PCDHA6: variants seen among roughly 807,000 people sequenced by gnomAD.
PCDHA6 encodes protocadherin alpha-6.
PCDHA6 carries 55 observed loss-of-function variants against 60.3 expected under a neutral mutation model. That is an observed-to-expected ratio of 0.91 (90% CI 0.73 to 1.14). The LOEUF is 1.14. Ranked by LOEUF, PCDHA6 falls within the 50% of genes most tolerant of loss-of-function variation. PCDHA6 has a pLI of 0.00. For synonymous variants in PCDHA6, 652 were observed against 557.9 expected, an observed-to-expected ratio of 1.17 and a Z score of -2.38; for missense variants, 1,327 against 1,256.5, an observed-to-expected ratio of 1.06 and a Z score of -0.85.
chr5:140,928,510 A>T (rs782757628), intron 1 of PCDHA6: 1 of 1,614,166 alleles, frequency 6.2e-7, no homozygotes, highest in Non-Finnish European at 8.5e-7. Context: ...TGCAACAGTG[A>T]CTATAAACTT....
chr5:140,951,520 A>G (rs904780831), intron 1 of PCDHA6, among the ~76,000 whole-genome samples: 6 of 151,972 alleles, frequency 3.9e-5, no homozygotes, highest in Admixed American at 2.0e-4. Context: ...CTCATCTTAC[A>G]TGGCCGGTGC....
chr5:141,000,782 C>T (rs149032263), intron 3 of PCDHA6, among the ~76,000 whole-genome samples: 174 of 152,002 alleles, frequency 1.1e-3, no homozygotes, highest in African/African-American at 3.9e-3. Flanking sequence ...TGGCGCACAC[C>T]TGTATTCCTA....
In PCDHA6 at chr5:140,829,620, T is replaced by C. The variant is rs1770444149; in HGVS notation, c.1529T>C (p.Val510Ala). The change falls in exon 1 of 4, where the codon GTG becomes GCG. Residue 510 changes from valine (V) to alanine (A), a missense_variant. Val to Ala is a moderately conservative substitution (Grantham distance 64, BLOSUM62 0). Coordinates refer to ENST00000529310, the MANE Select transcript of PCDHA6 (RefSeq NM_018909.4). ...CGCGCGTTGTCGAGCTACATTTCGGTGCACGCGGAGAGCGGCAAGGTGTAC... is the reference window on the plus strand; with the variant it reads ...CGCGCGTTGTCGAGCTACATTTCGGCGCACGCGGAGAGCGGCAAGGTGTAC... ...GERALSSYIS[V>A]HAESGKVYAL... is the part of the protein sequence containing the mutation. 1.2e-6 allele frequency: 2 copies of C among 1,612,108 alleles called. No individual in the cohort carries two copies. The highest frequency in any genetic ancestry group is 4.5e-5 in the East Asian group (2 of 44,856).
intron 1 of PCDHA6, chr5:140,851,440 C>T (rs1474204778): frequency 1.1e-6 from 1 of 926,576 alleles, no homozygotes; most frequent in South Asian, 4.9e-5. Flanking sequence ...AAAACAGTTG[C>T]TCCACTTTAG....
rs945250298 is a variant in PCDHA6 at position 140,897,146 on chromosome 5, A to G, written c.2394+66661A>G. Among the ~76,000 whole-genome samples the G allele has an allele frequency of 5.3e-5, 8 of 152,258 alleles. No individual in the cohort carries two copies. In the East Asian group the frequency reaches 1.5e-3, roughly 29 times the overall value. On this transcript the variant is annotated intron_variant, in intron 1 of 3. Coordinates refer to ENST00000529310, the MANE Select transcript of PCDHA6 (RefSeq NM_018909.4). Reference sequence around the variant, plus strand: ...CCCACTAAACTTTCTAGCCTTTGTTAACCATTCTTCTACTGTCTATCTCCA... The same window carrying G: ...CCCACTAAACTTTCTAGCCTTTGTTGACCATTCTTCTACTGTCTATCTCCA...
intron 3 of PCDHA6, among the ~76,000 whole-genome samples, chr5:140,990,637 C>A (rs2097404568): frequency 6.6e-6 from 1 of 152,154 alleles, no homozygotes; most frequent in South Asian, 2.1e-4. Flanking sequence ...AGACTAGAAG[C>A]CTCAGCCAGT....
chr5:140,871,191 C>T lies in PCDHA6; in HGVS notation c.2394+40706C>T, dbSNP rs370303558. 1.9e-6 allele frequency: 3 copies of T among 1,613,656 alleles called. 1 individual carries two copies. In the South Asian group the frequency reaches 3.3e-5, roughly 18 times the overall value. On this transcript the variant is annotated intron_variant, in intron 1 of 3. Coordinates refer to ENST00000529310, the MANE Select transcript of PCDHA6 (RefSeq NM_018909.4). ...CAGAGGCTGCGCTGGTGGATGTCAA[C>T]GTGTACCTGATCATCGCCATCTGCG...
intron 1 of PCDHA6, among the ~76,000 whole-genome samples, chr5:140,905,954 C>G (rs1297429672): frequency 6.6e-6 from 1 of 152,158 alleles, no homozygotes; most frequent in Non-Finnish European, 1.5e-5. Context: ...ATCCGATGTT[C>G]AAGGGGAGGA....
At chr5:140,942,539 TG>T (rs1370746759) in intron 1 of PCDHA6, among the ~76,000 whole-genome samples, 2 of 151,338 alleles carry the variant, frequency 1.3e-5, no homozygotes, top group Admixed American at 6.6e-5. Flanking sequence ...CTCAGTATGG[TG>T]GGGGGTAGGG....
At chr5:140,862,549 C>T in intron 1 of PCDHA6, 3 of 457,652 alleles carry the variant, frequency 6.6e-6, no homozygotes, top group South Asian at 5.1e-5. Context: ...TGGAAGTGGC[C>T]GAACAGTGAA....
Position 140,830,308 on chromosome 5 carries a change from G to A in PCDHA6, c.2217G>A (p.Leu739=). ...CGTGCACGGCGGACAAGCCCACGCT[G>A]GTGTGCTCCAGCGCAGTGGGGAGCT... is the stretch of plus-strand genomic sequence containing the variant. ...EGACTADKPT[L]VCSSAVGSWS... The change falls in exon 1 of 4, where the codon CTG becomes CTA. Residue 739 remains leucine, a synonymous_variant. Coordinates refer to ENST00000529310, the MANE Select transcript of PCDHA6 (RefSeq NM_018909.4). 6.2e-7 allele frequency: 1 copy of A among 1,613,990 alleles called. No homozygotes were observed. The highest frequency in any genetic ancestry group is 8.5e-7 in the Non-Finnish European group (1 of 1,179,926).
At chr5:140,968,401 C>T (rs1554230667) in intron 1 of PCDHA6, 1 of 1,613,984 alleles carries the variant, frequency 6.2e-7, no homozygotes, top group South Asian at 1.1e-5. Context: ...TTCGGGAGTT[C>T]TTTGTGACTG....
At chr5:140,925,787 C>T (rs972978659) in intron 1 of PCDHA6, among the ~76,000 whole-genome samples, 2 of 152,040 alleles carry the variant, frequency 1.3e-5, no homozygotes, top group Admixed American at 6.6e-5. Context: ...TAATGAGTAT[C>T]TCAGTACTTT....
rs2150247452 is a variant in PCDHA6, at chr5:140,835,884, G to C, written c.2394+5399G>C. ...CTCGCTGGTGGAGCTGCGGGTGGGC[G>C]AGCGCGCGCTGTCGAGCTACGTGTC... On this transcript the variant is annotated intron_variant, in intron 1 of 3. Coordinates refer to ENST00000529310, the MANE Select transcript of PCDHA6 (RefSeq NM_018909.4). 57 of 1,611,848 alleles carry C rather than the reference G, an allele frequency of 3.5e-5. No individual in the cohort carries two copies. The highest frequency in any genetic ancestry group is 3.3e-5 in the Non-Finnish European group (39 of 1,179,644).
At chr5:140,863,166 G>T (rs782088342) in intron 1 of PCDHA6, 4 of 672,474 alleles carry the variant, frequency 5.9e-6, no homozygotes, top group African/African-American at 5.4e-5. Flanking sequence ...GCGAGCTGGC[G>T]CTGACTGCCA....
chr5:140,874,403 T>A (rs1013177734), intron 1 of PCDHA6, among the ~76,000 whole-genome samples: 2 of 152,198 alleles, frequency 1.3e-5, no homozygotes, highest in African/African-American at 4.8e-5. Context: ...TGCATAACAG[T>A]CACCATTCTG....
chr5:141,007,366 CATG>C (rs1319534619), intron 3 of PCDHA6, among the ~76,000 whole-genome samples: 13 of 118,904 alleles, frequency 1.1e-4, no homozygotes, highest in Admixed American at 7.7e-4. Flanking sequence ...GCCTGGGCAA[CATG>C]ATGGAACACC....
chr5:140,836,429 A>G, intron 1 of PCDHA6: 1 of 1,613,806 alleles, frequency 6.2e-7, no homozygotes, highest in Non-Finnish European at 8.5e-7. Flanking sequence ...CGTCGCGGGC[A>G]TCGTTGGGCA....
intron 1 of PCDHA6, chr5:140,856,583 C>T: frequency 1.9e-6 from 3 of 1,597,002 alleles, no homozygotes; most frequent in Non-Finnish European, 2.6e-6. Flanking sequence ...GTATTTTGTT[C>T]TTGATATTAT....
Sources: allele counts gnomAD v4.1 joint callset (sites outside exome capture counted in the v4.1 genomes callset), GRCh38; gene constraint gnomAD v4.1.1; transcripts MANE v1.5; gene names NCBI Gene and HGNC (gene_info 2026-07-23, HGNC 2026-07-21).